Variants in SF1 observed in about 807,000 individuals in gnomAD.
The protein encoded by SF1 is splicing factor 1, also known as branch point-binding protein.
SF1 carries 7 observed loss-of-function variants against 62.5 expected under a neutral mutation model. That is an observed-to-expected ratio of 0.11 (90% confidence interval 0.06 to 0.21). SF1 has a LOEUF of 0.21. Ranked by LOEUF, SF1 falls within the 10% of genes least tolerant of loss-of-function variation. SF1 has a pLI of 1.00. For synonymous variants in SF1, 394 were observed against 323.6 expected (o/e 1.22, Z -2.33); for missense variants, 578 against 884.0 (o/e 0.65, Z 4.39).
rs150374586 is a variant in SF1, at chr11:64,765,223, A to G, written c.*595T>C. On this transcript the variant is annotated 3_prime_UTR_variant, in exon 13 of 13. Coordinates refer to ENST00000377390, the MANE Select transcript of SF1 (RefSeq NM_004630.4). ...CTTGGTAAGGGAAGGAGAACTGGAG[A>G]GAAGGGAAAGGAATCTAAATTGCAG... 9.0e-6 allele frequency: 4 copies of G among 443,448 alleles called. No homozygotes were observed. The highest frequency in any genetic ancestry group is 6.1e-5 in the African/African-American group (3 of 49,074). The allele number at this position is 443,448 out of a possible 1,614,324, so 27.5% of individuals were successfully genotyped here.
intron 3 of SF1, 39 bp downstream of exon 3, chr11:64,773,391 A>C (rs1249196166): frequency 6.2e-7 from 1 of 1,607,114 alleles, no homozygotes; most frequent in Non-Finnish European, 8.5e-7. Context: ...AGAAAAAGGT[A>C]AAAGCGTTAC....
chr11:64,770,504 A>G (rs1938143203), intron 3 of SF1, 96 bp from the exon 4 acceptor site: 2 of 1,340,612 alleles, frequency 1.5e-6, no homozygotes, highest in Non-Finnish European at 2.1e-6. Context: ...TGCCTCTCAG[A>G]CCCTAATACA....
At chr11:64,774,623 CCA>C (rs1449375176) in intron 2 of SF1, among the ~76,000 whole-genome samples, 1 of 152,072 alleles carries the variant, frequency 6.6e-6, no homozygotes, top group Non-Finnish European at 1.5e-5. Context: ...TATACCACAC[CCA>C]CACACTAAAA....
chr11:64,778,170 G>C, intron 1 of SF1, 192 bp downstream of exon 1: 1 of 895,430 alleles, frequency 1.1e-6, no homozygotes. Flanking sequence ...GGAGGGGGCG[G>C]CGGCGGAGGC....
intron 2 of SF1, among the ~76,000 whole-genome samples, chr11:64,774,569 G>T (rs1039399079): frequency 6.6e-6 from 1 of 152,170 alleles, no homozygotes; most frequent in Admixed American, 6.5e-5. Flanking sequence ...ATTAATGCGT[G>T]TCTAACCAAA....
chr11:64,771,642 T>C, intron 3 of SF1: 2 of 985,396 alleles, frequency 2.0e-6, no homozygotes, highest in Non-Finnish European at 2.4e-6. Flanking sequence ...CTAGCATTTG[T>C]ATAAACTGTT....
At chr11:64,778,340 A>G in intron 1 of SF1, 22 bp downstream of exon 1, 1 of 1,223,222 alleles carries the variant, frequency 8.2e-7, no homozygotes. Context: ...GAGCGGGGGC[A>G]GCCCGGGGGG....
intron 5 of SF1, 139 bp from the exon 6 acceptor site, chr11:64,769,748 A>G (rs185047476): frequency 1.3e-4 from 110 of 818,056 alleles, no homozygotes; most frequent in Non-Finnish European, 1.9e-4. Flanking sequence ...CATGAACTCT[A>G]TATTATGGTC....
In SF1 at chr11:64,770,068, C is replaced by A. The variant is rs772854721; in HGVS notation, c.390-15G>T. On this transcript the variant is annotated splice_polypyrimidine_tract_variant and intron_variant, in intron 4 of 12. Transcript: ENST00000377390. Reference sequence around the variant, plus strand: ...TTGCTGGAGGTCTAAGAAAGAAAAGCCTGTGTCACCGCACATTTCTGGAGA... The same window carrying A: ...TTGCTGGAGGTCTAAGAAAGAAAAGACTGTGTCACCGCACATTTCTGGAGA... 8 of 1,606,520 alleles carry A rather than the reference C, an allele frequency of 5.0e-6. No individual in the cohort carries two copies. The highest frequency in any genetic ancestry group is 6.8e-6 in the Non-Finnish European group (8 of 1,173,322).
intron 10 of SF1, 146 bp downstream of exon 10, chr11:64,767,425 C>T: frequency 5.6e-6 from 6 of 1,062,240 alleles, no homozygotes; most frequent in Non-Finnish European, 8.4e-6. Flanking sequence ...TGGAGTCTTG[C>T]TCCTTCCAGA....
At chr11:64,767,359 G>T in intron 10 of SF1, 108 bp from the exon 11 acceptor site, 1 of 1,200,242 alleles carries the variant, frequency 8.3e-7, no homozygotes, top group Non-Finnish European at 1.2e-6. Context: ...TGAAAACCAT[G>T]CCTGTAAAAG....
intron 1 of SF1, among the ~76,000 whole-genome samples, chr11:64,776,914 G>A (rs1939358389): frequency 6.6e-6 from 1 of 152,202 alleles, no homozygotes; most frequent in Non-Finnish European, 1.5e-5. Context: ...GCATATGGCT[G>A]CAGAGAGTGT....
intron 12 of SF1, chr11:64,766,659 A>G (rs2058694193): frequency 4.5e-6 from 2 of 445,146 alleles, no homozygotes; most frequent in African/African-American, 4.1e-5. Context: ...CCCTACCTAC[A>G]ATAGCAGGCT....
chr11:64,766,628 C>G, intron 12 of SF1: 1 of 430,772 alleles, frequency 2.3e-6, no homozygotes, highest in Non-Finnish European at 4.1e-6. Context: ...ACTCAGCCTG[C>G]GAGGGTCTGG....
chr11:64,767,134 C>T, intron 11 of SF1, 55 bp from the exon 12 acceptor site: 2 of 1,612,832 alleles, frequency 1.2e-6, no homozygotes, highest in Non-Finnish European at 1.7e-6. Context: ...GGACTTGGGC[C>T]AGAACCCCCA....
intron 1 of SF1, 89 bp downstream of exon 1, chr11:64,778,273 C>A (rs1217492755): frequency 1.2e-5 from 14 of 1,209,900 alleles, no homozygotes; most frequent in Admixed American, 8.8e-5. Context: ...CCAGCAGCCC[C>A]GCCCCAGGCC....
At chr11:64,775,501 C>A (rs146179210) in intron 2 of SF1, among the ~76,000 whole-genome samples, 36 of 152,292 alleles carry the variant, frequency 2.4e-4, no homozygotes, top group African/African-American at 8.4e-4. Flanking sequence ...AGGAGACAGA[C>A]AATTCCAACG....
At chr11:64,777,524 G>A (rs1939501692) in intron 1 of SF1, 1 of 985,402 alleles carries the variant, frequency 1.0e-6, no homozygotes, top group South Asian at 4.7e-5. Flanking sequence ...ACCCTGCCTT[G>A]CTGTAGAAGC....
intron 3 of SF1, chr11:64,771,891 T>C: frequency 2.0e-6 from 2 of 985,410 alleles, no homozygotes; most frequent in Non-Finnish European, 2.4e-6. Flanking sequence ...AATCAGGCAT[T>C]AGGGCCTCTT....
Sources: gnomAD v4.1 joint callset for allele counts (sites outside exome capture counted in the v4.1 genomes callset) on GRCh38, gnomAD v4.1.1 for gene constraint, MANE v1.5 for transcripts, NCBI Gene and HGNC (gene_info 2026-07-23, HGNC 2026-07-21) for gene names.